Variants in TRIO observed in about 807,000 individuals in gnomAD.
The protein encoded by TRIO is trio Rho guanine nucleotide exchange factor.
In TRIO, 58 loss-of-function variants were observed where a neutral mutation model predicts 351.9. The ratio of observed to expected loss-of-function variants is 0.16; its 90% confidence interval spans 0.13 to 0.21. The LOEUF is 0.21. Ranked by LOEUF, TRIO falls within the 10% of genes least tolerant of loss-of-function variation. TRIO has a pLI of 1.00. For synonymous variants in TRIO, 1,758 were observed against 1,595.7 expected (o/e 1.10, Z -2.42); for missense variants, 3,201 against 4,027.8 (o/e 0.79, Z 5.56).
At chr5:14,320,761 A>G (rs1000581537) in intron 9 of TRIO, among the ~76,000 whole-genome samples, 3 of 152,228 alleles carry the variant, frequency 2.0e-5, no homozygotes, top group Admixed American at 2.0e-4. Flanking sequence ...CAAGGAATTT[A>G]TAATCTGATA....
chr5:14,334,043 G>A (rs557102148), intron 10 of TRIO, among the ~76,000 whole-genome samples: 1 of 152,200 alleles, frequency 6.6e-6, no homozygotes, highest in Admixed American at 6.5e-5. Flanking sequence ...TTAGGTACTG[G>A]TTGTTTTAAC....
At chr5:14,194,893 T>C (rs1304605697) in intron 1 of TRIO, among the ~76,000 whole-genome samples, 3 of 152,266 alleles carry the variant, frequency 2.0e-5, no homozygotes, top group Non-Finnish European at 2.9e-5. Flanking sequence ...CCGTTTGTTA[T>C]ACCACTTATA....
At position 14,458,283 on chromosome 5, in the gene TRIO, T is replaced by C. The variant is rs12654927; in HGVS notation, c.5204-2736T>C. 4.5e-4 allele frequency among the ~76,000 whole-genome samples: 68 copies of C among 152,352 alleles called. 2 individuals are homozygous for C. The East Asian group carries it at 0.012, about 27-fold the overall frequency. ...TTCTGATGTTTCCATGTAATACTTG[T>C]GTGCCTACTGTATGCCAGGCACTGT... On this transcript the variant is annotated intron_variant, in intron 34 of 56. Coordinates refer to ENST00000344204, the MANE Select transcript of TRIO (RefSeq NM_007118.4).
intron 1 of TRIO, among the ~76,000 whole-genome samples, chr5:14,262,630 C>T (rs542320944): frequency 6.6e-6 from 1 of 152,206 alleles, no homozygotes; most frequent in Admixed American, 6.5e-5. Context: ...GAGGGCAATG[C>T]TGGCAGAGAC....
At chr5:14,399,363 GC>G (rs1747878438) in intron 30 of TRIO, 4 of 423,962 alleles carry the variant, frequency 9.4e-6, no homozygotes, top group Non-Finnish European at 1.2e-5. Flanking sequence ...TCTCCGGTGT[GC>G]TTAACTAGCT....
At chr5:14,311,578 A>T (rs1738938315) in intron 8 of TRIO, among the ~76,000 whole-genome samples, 1 of 152,198 alleles carries the variant, frequency 6.6e-6, no homozygotes, top group African/African-American at 2.4e-5. Context: ...GAAGGGTTCG[A>T]TTGTTTGGCC....
intron 33 of TRIO, among the ~76,000 whole-genome samples, chr5:14,413,523 G>T (rs747553294): frequency 1.3e-5 from 2 of 152,208 alleles, no homozygotes; most frequent in Admixed American, 6.5e-5. Context: ...GATGGGTTCC[G>T]TGTGACGTCT....
At chr5:14,376,862 C>T (rs992813515) in intron 19 of TRIO, among the ~76,000 whole-genome samples, 4 of 152,214 alleles carry the variant, frequency 2.6e-5, no homozygotes, top group African/African-American at 9.7e-5. Context: ...ATCATGATTA[C>T]CTGTTCCCTT....
intron 11 of TRIO, among the ~76,000 whole-genome samples, 171 bp downstream of exon 11, chr5:14,336,898 T>G (rs529535391): frequency 6.6e-6 from 1 of 152,336 alleles, no homozygotes; most frequent in Admixed American, 6.5e-5. Context: ...GCCGGGCTTG[T>G]GCTGGCTTTC....
rs115870433 is a variant in TRIO at position 14,341,369 on chromosome 5, G to A, written c.2046+4642G>A. ...CCTAAATGAATGACCAAAAGAACATGCTTCTGCTTTTGTGTGTCTCCTACA... is the reference window on the plus strand; with the variant it reads ...CCTAAATGAATGACCAAAAGAACATACTTCTGCTTTTGTGTGTCTCCTACA... On this transcript the variant is annotated intron_variant, in intron 11 of 56. Coordinates refer to ENST00000344204, the MANE Select transcript of TRIO (RefSeq NM_007118.4). Among the ~76,000 whole-genome samples, 884 of 152,270 alleles carry A rather than the reference G, an allele frequency of 5.8e-3. 12 individuals are homozygous for A. The highest frequency in any genetic ancestry group is 0.021 in the African/African-American group (855 of 41,548).
At chr5:14,287,811 C>G (rs778819226) in intron 4 of TRIO, among the ~76,000 whole-genome samples, 1 of 152,154 alleles carries the variant, frequency 6.6e-6, no homozygotes, top group Non-Finnish European at 1.5e-5. Context: ...ATAAGAAATA[C>G]TTTTTGGTTG....
Position 14,488,062 on chromosome 5 carries a change from C to T in TRIO, c.7434C>T (p.Pro2478=). Residue 2478 remains proline (P), a synonymous_variant, in exon 48 of 57, where the codon CCC becomes CCT. Coordinates refer to ENST00000344204, the MANE Select transcript of TRIO (RefSeq NM_007118.4). The part of the protein sequence containing the change: ...LGKEPFPPSS[P]LQKGGSFWSS... ...AGGAGCCCTTCCCCCCCAGCAGCCC[C>T]CTGCAGAAGGGGGGCTCCTTCTGGA... The T allele has an allele frequency of 6.2e-7, 1 of 1,610,142 alleles. No homozygotes were observed.
At chr5:14,425,213 G>A (rs1750542725) in intron 34 of TRIO, among the ~76,000 whole-genome samples, 1 of 152,106 alleles carries the variant, frequency 6.6e-6, no homozygotes, top group Non-Finnish European at 1.5e-5. Context: ...TGTGCCCATG[G>A]AACAAAACCC....
intron 11 of TRIO, among the ~76,000 whole-genome samples, chr5:14,344,326 T>C (rs538919104): frequency 6.6e-6 from 1 of 152,352 alleles, no homozygotes; most frequent in East Asian, 1.9e-4. Context: ...AAACAGGTGG[T>C]CTTCCCATTG....
chr5:14,388,077 G>A (rs1579505819), intron 23 of TRIO: 1 of 529,058 alleles, frequency 1.9e-6, no homozygotes, highest in East Asian at 3.1e-5. Flanking sequence ...TTCATTTGGA[G>A]TTGATGAATT....
In TRIO at chr5:14,488,168, C is replaced by T. The variant is rs763389313; in HGVS notation, c.7540C>T (p.Pro2514Ser). Residue 2514 changes from proline to serine, a missense_variant, in exon 48 of 57, where the codon CCC becomes TCC. Coordinates refer to ENST00000344204, the MANE Select transcript of TRIO (RefSeq NM_007118.4). ...GDSDSLQRQT[P>S]RHAAPGKDTD... ...CAGCGACTCCCTCCAGCGGCAGACACCCCGCCACGCGGCCCCTGGCAAGGA... is the reference window on the plus strand; with the variant it reads ...CAGCGACTCCCTCCAGCGGCAGACATCCCGCCACGCGGCCCCTGGCAAGGA... The T allele has an allele frequency of 4.4e-6, 7 of 1,603,498 alleles. No individual in the cohort carries two copies. The highest frequency in any genetic ancestry group is 4.0e-5 in the African/African-American group (3 of 74,906).
rs1203631003 is a variant in TRIO, at chr5:14,440,392, C to G, written c.5203+20371C>G. On this transcript the variant is annotated intron_variant, in intron 34 of 56. Transcript: ENST00000344204. ...AGCTGGAAGTCAGACCCGACAGTTC[C>G]CACGCAGTGGACATTCTCCTCTGAA... Among the ~76,000 whole-genome samples, 3 of 152,180 alleles carry G rather than the reference C, an allele frequency of 2.0e-5. No individual in the cohort carries two copies. The East Asian group carries it at 5.8e-4, about 29-fold the overall frequency.
intron 1 of TRIO, among the ~76,000 whole-genome samples, chr5:14,169,478 T>C (rs1788973671): frequency 6.6e-6 from 1 of 152,182 alleles, no homozygotes; most frequent in Non-Finnish European, 1.5e-5. Context: ...GTCTTTACCA[T>C]TGAGTCCCAG....
chr5:14,369,120 A>AGG (rs1561401596), intron 17 of TRIO, among the ~76,000 whole-genome samples: 2 of 152,320 alleles, frequency 1.3e-5, no homozygotes, highest in East Asian at 3.9e-4. Context: ...TCTTCTTGTC[A>AGG]TTTAAACATA....
Sources: allele counts gnomAD v4.1 joint callset (sites outside exome capture counted in the v4.1 genomes callset), GRCh38; gene constraint gnomAD v4.1.1; transcripts MANE v1.5; gene names NCBI Gene and HGNC (gene_info 2026-07-23, HGNC 2026-07-21).